AUTS2: variants seen among roughly 807,000 people sequenced by gnomAD.
AUTS2 encodes activator of transcription and developmental regulator AUTS2.
A neutral mutation model predicts 112.4 loss-of-function variants in AUTS2; 17 were observed. That is an observed-to-expected ratio of 0.15 (90% CI 0.10 to 0.23). AUTS2 has a LOEUF of 0.23. Among genes scored for constraint, AUTS2 ranks in the 10% least tolerant of loss-of-function variants. The pLI, the probability that AUTS2 is intolerant of heterozygous loss-of-function variation, is 1.00. For synonymous variants in AUTS2, 751 were observed against 702.7 expected, an observed-to-expected ratio of 1.07 and a Z score of -1.09; for missense variants, 1,510 against 1,701.6, an observed-to-expected ratio of 0.89 and a Z score of 1.98.
At chr7:70,058,192 G>C (rs1802077699) in intron 2 of AUTS2, among the ~76,000 whole-genome samples, 1 of 152,106 alleles carries the variant, frequency 6.6e-6, no homozygotes, top group African/African-American at 2.4e-5. Context: ...CTTGTGATTT[G>C]AGAAGTATAT....
At chr7:70,068,388 G>A (rs1229949867) in intron 2 of AUTS2, among the ~76,000 whole-genome samples, 1 of 151,590 alleles carries the variant, frequency 6.6e-6, no homozygotes, top group Non-Finnish European at 1.5e-5. Context: ...GTTTAACCGT[G>A]TTAGCCAGGA....
intron 7 of AUTS2, 78 bp downstream of exon 7, chr7:70,763,419 C>A: frequency 9.7e-7 from 1 of 1,027,060 alleles, no homozygotes; most frequent in Non-Finnish European, 1.4e-6. Context: ...GGGAGGGATC[C>A]CTAGGGAGAC....
At chr7:70,356,341 AG>A (rs1792007572) in intron 4 of AUTS2, among the ~76,000 whole-genome samples, 1 of 146,830 alleles carries the variant, frequency 6.8e-6, no homozygotes, top group Non-Finnish European at 1.5e-5. Flanking sequence ...ATGTGTGTGA[AG>A]GGAAGTAGCC....
chr7:70,479,827 A>G (rs915298263), intron 5 of AUTS2, among the ~76,000 whole-genome samples: 1 of 152,192 alleles, frequency 6.6e-6, no homozygotes, highest in Non-Finnish European at 1.5e-5. Flanking sequence ...ATCAGCTTTC[A>G]CCACTTACTT....
chr7:70,504,014 T>C (rs1432618498), intron 5 of AUTS2, among the ~76,000 whole-genome samples: 3 of 148,622 alleles, frequency 2.0e-5, no homozygotes, highest in African/African-American at 7.3e-5. Context: ...AACAAAAATT[T>C]TGAATTTTTG....
Position 70,790,432 on chromosome 7 carries a change from G to A in AUTS2, c.3216G>A (p.Arg1072=), listed in dbSNP as rs1389340390. Residue 1072 remains arginine (R), a synonymous_variant, in exon 19 of 19, where the codon CGG becomes CGA. Transcript: ENST00000342771. The surrounding 1 kb of genome is among the most constrained non-coding windows in gnomAD (Gnocchi z 7.6). ...PYPSFHWDPI[R]DPLRDPYREL... ...CTTCTTTCCACTGGGACCCCATCCG[G>A]GACCCCTTGAGGGATCCTTACCGAG... 1 of 1,612,694 alleles carries A rather than the reference G, an allele frequency of 6.2e-7. No homozygotes were observed. Among genetic ancestry groups the A allele is most frequent in the South Asian group, 1.1e-5 (1 of 90,866 alleles).
intron 4 of AUTS2, among the ~76,000 whole-genome samples, chr7:70,152,444 GA>G (rs546985369): frequency 4.6e-4 from 66 of 143,840 alleles, no homozygotes; most frequent in East Asian, 1.6e-3. Flanking sequence ...TTTTTTTCTG[GA>G]AAAAAAAAAT....
At position 69,825,070 on chromosome 7, in the gene AUTS2, C is replaced by A. The variant is rs866288729; in HGVS notation, c.310-74216C>A. ...CCTGGGCCATTTTAGAAAGAAATTT[C>A]TTTATTTAGCCAGTAAGTAGAGCTT... On this transcript the variant is annotated intron_variant, in intron 1 of 18. Transcript: ENST00000342771. Among the ~76,000 whole-genome samples, 2 of 152,210 alleles carry A rather than the reference C, an allele frequency of 1.3e-5. 1 individual carries two copies. Among genetic ancestry groups the A allele is most frequent in the Middle Eastern group, 6.8e-3 (2 of 294 alleles).
intron 2 of AUTS2, among the ~76,000 whole-genome samples, chr7:70,069,396 A>G (rs1019424190): frequency 2.0e-5 from 3 of 152,200 alleles, no homozygotes; most frequent in African/African-American, 4.8e-5. Context: ...TAGGAGTACA[A>G]CTTCATCATT....
At chr7:70,184,752 C>T (rs1186392959) in intron 4 of AUTS2, among the ~76,000 whole-genome samples, 1 of 152,064 alleles carries the variant, frequency 6.6e-6, no homozygotes, top group Non-Finnish European at 1.5e-5. Flanking sequence ...CAAGAGACGC[C>T]AGCCTTCTTT....
intron 4 of AUTS2, among the ~76,000 whole-genome samples, chr7:70,233,361 A>G (rs1812157010): frequency 6.6e-6 from 1 of 152,204 alleles, no homozygotes; most frequent in Non-Finnish European, 1.5e-5. Context: ...AATGGATATT[A>G]GAGTTGCAAT....
chr7:69,955,420 T>A (rs1022412617), intron 2 of AUTS2, among the ~76,000 whole-genome samples: 1 of 152,186 alleles, frequency 6.6e-6, no homozygotes, highest in Non-Finnish European at 1.5e-5. Context: ...TCTGTTGTGC[T>A]GAACCTCTAT....
chr7:70,319,054 T>G (rs1247630644), intron 4 of AUTS2, among the ~76,000 whole-genome samples: 8 of 152,208 alleles, frequency 5.3e-5, no homozygotes, highest in Non-Finnish European at 1.0e-4. Flanking sequence ...AAGCATCCAC[T>G]TACCAGTTCA....
chr7:69,623,611 T>C (rs1397852010), intron 1 of AUTS2, among the ~76,000 whole-genome samples: 1 of 152,098 alleles, frequency 6.6e-6, no homozygotes, highest in African/African-American at 2.4e-5. Context: ...GAAACACTAT[T>C]TCTTAAAATA....
intron 4 of AUTS2, among the ~76,000 whole-genome samples, chr7:70,428,065 ATT>A (rs1047402058): frequency 7.9e-5 from 12 of 152,330 alleles, no homozygotes; most frequent in Admixed American, 2.6e-4. Context: ...TATCTGAGCT[ATT>A]TTATTTGATC....
chr7:70,132,598 C>G (rs1806335948), intron 3 of AUTS2, among the ~76,000 whole-genome samples: 1 of 152,174 alleles, frequency 6.6e-6, no homozygotes, highest in South Asian at 2.1e-4. Flanking sequence ...TTCCCTCATT[C>G]AGTCAGACCT....
chr7:70,740,965 G>A (rs1177778655), intron 6 of AUTS2, among the ~76,000 whole-genome samples: 1 of 151,952 alleles, frequency 6.6e-6, no homozygotes, highest in Non-Finnish European at 1.5e-5. Context: ...ATGGTGGCAT[G>A]TACCAGTAAT....
At chr7:69,985,026 C>A (rs368075539) in intron 2 of AUTS2, among the ~76,000 whole-genome samples, 1 of 152,050 alleles carries the variant, frequency 6.6e-6, no homozygotes, top group Non-Finnish European at 1.5e-5. Context: ...TAAAGCTGTT[C>A]TTTCAGCCAT....
intron 6 of AUTS2, among the ~76,000 whole-genome samples, chr7:70,760,440 T>C (rs1789499622): frequency 6.6e-6 from 1 of 152,282 alleles, no homozygotes; most frequent in Non-Finnish European, 1.5e-5. Flanking sequence ...TGTTTTGTGC[T>C]GTTAGGATTT....
Sources: allele counts gnomAD v4.1 joint callset (sites outside exome capture counted in the v4.1 genomes callset), GRCh38; gene constraint gnomAD v4.1.1; non-coding constraint Gnocchi (gnomAD v3.1); transcripts MANE v1.5; gene names NCBI Gene and HGNC (gene_info 2026-07-23, HGNC 2026-07-21).